The following SETBP1 variants were observed in gnomAD, a reference collection of about 807,000 sequenced individuals.
SETBP1 encodes SET-binding protein.
Under a neutral mutation model 101.0 loss-of-function variants are expected in SETBP1, and 9 were observed. That is an observed-to-expected ratio of 0.09 (90% CI 0.05 to 0.16). The LOEUF (loss-of-function observed/expected upper bound fraction) is 0.16. Among genes scored for constraint, SETBP1 ranks in the 10% least tolerant of loss-of-function variants. SETBP1 has a pLI of 1.00. For missense variants in SETBP1, 1,858 were observed against 2,033.8 expected (o/e 0.91, Z 1.66); for synonymous variants, 818 against 788.5 (o/e 1.04, Z -0.63).
intron 3 of SETBP1, among the ~76,000 whole-genome samples, chr18:44,873,857 A>G (rs1442678821): frequency 6.6e-6 from 1 of 152,200 alleles, no homozygotes; most frequent in Middle Eastern, 3.2e-3. Context: ...AAACCCATGT[A>G]CCTGTTACCC....
rs569402107 is a variant in SETBP1, at chr18:44,859,160, A to G, written c.487-10070A>G. The stretch of plus-strand genomic sequence containing the variant: ...TAATTAACAATGTTCATAGCAGTGT[A>G]TAGTACAAAATCCTTTGGTCACCCA... On this transcript the variant is annotated intron_variant, in intron 2 of 5. Transcript: ENST00000649279. 5.3e-5 allele frequency among the ~76,000 whole-genome samples: 8 copies of G among 152,350 alleles called. No individual in the cohort carries two copies. The East Asian group carries it at 1.5e-3, about 29-fold the overall frequency.
intron 2 of SETBP1, among the ~76,000 whole-genome samples, chr18:44,751,929 C>G (rs1382501695): frequency 6.6e-6 from 1 of 152,168 alleles, no homozygotes; most frequent in Non-Finnish European, 1.5e-5. Flanking sequence ...TGTGTCCTCA[C>G]ATGGTGGAGA....
rs2069935781 is a variant in SETBP1 at position 44,735,151 on chromosome 18, G to A, written c.486+33319G>A. Among the ~76,000 whole-genome samples, 3 of 151,756 alleles carry A rather than the reference G, an allele frequency of 2.0e-5. No individual in the cohort carries two copies. The South Asian group carries it at 6.3e-4, about 32-fold the overall frequency. On this transcript the variant is annotated intron_variant, in intron 2 of 5. Transcript: ENST00000649279. The stretch of plus-strand genomic sequence containing the variant: ...GAAAGAGTGTTGGTATAGATGCAGA[G>A]GATTTAGTCCATGTTGCTAAATCCT...
intron 3 of SETBP1, among the ~76,000 whole-genome samples, chr18:44,918,126 G>T (rs560668265): frequency 6.6e-6 from 1 of 152,172 alleles, no homozygotes; most frequent in Non-Finnish European, 1.5e-5. Context: ...ATAAACAGTT[G>T]TCAGACAATT....
chr18:44,879,861 T>A (rs571737476), intron 3 of SETBP1, among the ~76,000 whole-genome samples: 1 of 152,310 alleles, frequency 6.6e-6, no homozygotes, highest in South Asian at 2.1e-4. Flanking sequence ...TACAGCACTT[T>A]CTGAACTAAC....
intron 4 of SETBP1, among the ~76,000 whole-genome samples, chr18:44,970,654 C>T (rs1007223722): frequency 3.3e-5 from 5 of 151,998 alleles, no homozygotes; most frequent in Admixed American, 2.0e-4. Flanking sequence ...TGGGTTCAAA[C>T]GATTCTCCTG....
intron 3 of SETBP1, chr18:44,870,215 TTTC>T (rs1472449402): frequency 6.6e-6 from 1 of 152,174 alleles, no homozygotes; most frequent in African/African-American, 2.4e-5. Context: ...TTGGGCACGT[TTTC>T]TTCTTTAAAG....
chr18:44,849,334 G>A (rs930712408), intron 2 of SETBP1, among the ~76,000 whole-genome samples: 9 of 152,120 alleles, frequency 5.9e-5, no homozygotes. Context: ...ACTGAACTGG[G>A]AGTTAGAGAC....
chr18:44,815,438 T>C (rs2071954131), intron 2 of SETBP1, among the ~76,000 whole-genome samples: 1 of 152,200 alleles, frequency 6.6e-6, no homozygotes, highest in South Asian at 2.1e-4. Context: ...AAATGGGCAA[T>C]AGACATTTGA....
chr18:44,792,642 C>A (rs1419352649), intron 2 of SETBP1, among the ~76,000 whole-genome samples: 1 of 152,222 alleles, frequency 6.6e-6, no homozygotes, highest in Non-Finnish European at 1.5e-5. Context: ...TTTGCCCGGC[C>A]ACTTCCACCT....
chr18:45,007,164 C>T (rs2072747020), intron 4 of SETBP1, among the ~76,000 whole-genome samples: 1 of 152,178 alleles, frequency 6.6e-6, no homozygotes, highest in South Asian at 2.1e-4. Flanking sequence ...CCTGAGCTAA[C>T]GACTTGCCTG....
chr18:44,929,333 T>C (rs889001290), intron 3 of SETBP1, among the ~76,000 whole-genome samples: 8 of 152,258 alleles, frequency 5.3e-5, no homozygotes, highest in Non-Finnish European at 8.8e-5. Context: ...TTTTGGTTAC[T>C]GTACCCTCGT....
At chr18:44,957,048 G>GA (rs1395561515) in intron 4 of SETBP1, among the ~76,000 whole-genome samples, 1 of 152,154 alleles carries the variant, frequency 6.6e-6, no homozygotes, top group Non-Finnish European at 1.5e-5. Flanking sequence ...CCTGGGACCA[G>GA]AAAATGGATA....
chr18:44,928,970 A>G (rs2144977457), intron 3 of SETBP1, among the ~76,000 whole-genome samples: 1 of 152,082 alleles, frequency 6.6e-6, no homozygotes, highest in East Asian at 1.9e-4. Context: ...TTTTGTTGTT[A>G]TTGCTCTTGG....
chr18:44,848,884 G>T (rs946500133), intron 2 of SETBP1, among the ~76,000 whole-genome samples: 10 of 152,220 alleles, frequency 6.6e-5, no homozygotes, highest in Admixed American at 3.3e-4. Context: ...TAGTCATATT[G>T]AAGTGCTATG....
intron 5 of SETBP1, among the ~76,000 whole-genome samples, chr18:45,052,858 A>G (rs908870268): frequency 5.9e-5 from 9 of 152,264 alleles, no homozygotes; most frequent in Admixed American, 5.2e-4. Context: ...ATTAACTTTT[A>G]GAGTATTCGA....
chr18:44,797,082 G>A (rs1047841560), intron 2 of SETBP1, among the ~76,000 whole-genome samples: 1 of 152,164 alleles, frequency 6.6e-6, no homozygotes, highest in Non-Finnish European at 1.5e-5. Context: ...CAGGTTACAG[G>A]CAGATCCTGG....
At chr18:45,049,607 G>C (rs1475740611) in intron 5 of SETBP1, among the ~76,000 whole-genome samples, 1 of 152,126 alleles carries the variant, frequency 6.6e-6, no homozygotes, top group Non-Finnish European at 1.5e-5. Context: ...ATGTGCCATA[G>C]TCTCTTGTGT....
intron 2 of SETBP1, among the ~76,000 whole-genome samples, chr18:44,754,881 C>A (rs1014435152): frequency 6.6e-6 from 1 of 152,180 alleles, no homozygotes; most frequent in Non-Finnish European, 1.5e-5. Flanking sequence ...ATACCCAAAG[C>A]CCCAACATAG....
Sources: gnomAD v4.1 joint callset for allele counts (sites outside exome capture counted in the v4.1 genomes callset) on GRCh38, gnomAD v4.1.1 for gene constraint, MANE v1.5 for transcripts, NCBI Gene and HGNC (gene_info 2026-07-23, HGNC 2026-07-21) for gene names.